PITRM1: variants seen among roughly 807,000 people sequenced by gnomAD.
PITRM1 encodes the protein presequence protease, mitochondrial.
PITRM1 carries 100 observed loss-of-function variants against 129.9 expected under a neutral mutation model. The ratio of observed to expected loss-of-function variants is 0.77; its 90% confidence interval spans 0.65 to 0.91. The LOEUF (loss-of-function observed/expected upper bound fraction) is 0.91, where lower values mean the gene tolerates loss of function less well. Ranked by LOEUF, PITRM1 falls within the 40% of genes least tolerant of loss-of-function variation. PITRM1 has a pLI of 0.00. For missense variants in PITRM1, 1,471 were observed against 1,318.3 expected (o/e 1.12, Z -1.79); for synonymous variants, 591 against 508.8 (o/e 1.16, Z -2.17).
At chr10:3,156,502 A>C (rs2132449481) in intron 13 of PITRM1, among the ~76,000 whole-genome samples, 1 of 152,384 alleles carries the variant, frequency 6.6e-6, no homozygotes, top group East Asian at 1.9e-4. Flanking sequence ...GTTCTACCAT[A>C]GTAATGAGTA....
chr10:3,157,066 T>C lies in PITRM1; in HGVS notation c.1348-2A>G. 3.7e-6 allele frequency: 6 copies of C among 1,602,560 alleles called. No homozygotes were observed. Among genetic ancestry groups the C allele is most frequent in the African/African-American group, 1.3e-5 (1 of 74,486 alleles). ...ATGGTTCCAGCAAGAAGCTATGTAC[T>C]GGAAGGAAGATTTCCACATCCACAA... is the stretch of plus-strand genomic sequence containing the variant. On this transcript the variant is annotated splice_acceptor_variant, in intron 12 of 26. Coordinates refer to ENST00000224949, the MANE Select transcript of PITRM1 (RefSeq NM_014889.4). LOFTEE classifies it high-confidence loss of function.
At chr10:3,140,897 G>A (rs190659470) in intron 23 of PITRM1, 85 bp from the exon 24 acceptor site, 6 of 1,199,330 alleles carry the variant, frequency 5.0e-6, no homozygotes, top group Admixed American at 4.5e-5. Context: ...AAGTGAAAAT[G>A]AAAATCGAGT....
intron 14 of PITRM1, among the ~76,000 whole-genome samples, chr10:3,152,142 C>T (rs748156415): frequency 6.6e-6 from 1 of 152,204 alleles, no homozygotes; most frequent in African/African-American, 2.4e-5. Context: ...CTTAGAAAGA[C>T]ACTTCCTGGG....
chr10:3,159,841 T>C lies in PITRM1; in HGVS notation c.1007+7A>G, dbSNP rs377745167. The C allele has an allele frequency of 6.5e-7, 1 of 1,550,334 alleles. No individual in the cohort carries two copies. Among genetic ancestry groups the C allele is most frequent in the African/African-American group, 1.4e-5 (1 of 74,066 alleles). ...GTCTTGTATGAGCTTTGACAGCATA[T>C]ACTTACTCCGGTAAGAGGAAGCTAA... On this transcript the variant is annotated splice_region_variant and intron_variant, in intron 9 of 26. Transcript: ENST00000224949.
intron 2 of PITRM1, among the ~76,000 whole-genome samples, chr10:3,168,915 TACACACAC>T (rs61366911): frequency 0.039 from 5,632 of 142,696 alleles, 130 homozygotes; most frequent in Middle Eastern, 0.043. Context: ...AGTTTCCATC[TACACACAC>T]ACACACACAC....
Position 3,165,524 on chromosome 10 carries a change from C to G in PITRM1, c.422G>C (p.Ser141Thr). ...GGAAAATGGATACAGAGTATAATCA[C>G]TAGCTGGGTACAAATGAAAAGTGAA... is the stretch of plus-strand genomic sequence containing the variant. ...LSTFMNAFTASDYTLYPFSTQ... is the reference protein window; with the variant it reads ...LSTFMNAFTATDYTLYPFSTQ... Residue 141 changes from serine to threonine, a missense_variant, in exon 5 of 27, where the codon AGT (serine) becomes ACT (threonine). Coordinates refer to ENST00000224949, the MANE Select transcript of PITRM1 (RefSeq NM_014889.4). The G allele has an allele frequency of 6.5e-7, 1 of 1,528,414 alleles. No homozygotes were observed. The allele number at this position is 1,528,414 out of a possible 1,614,324, so 94.7% of individuals were successfully genotyped here.
chr10:3,165,566 G>A, intron 4 of PITRM1, 39 bp from the exon 5 acceptor site: 1 of 1,145,032 alleles, frequency 8.7e-7, no homozygotes, highest in Non-Finnish European at 1.3e-6. Flanking sequence ...AAATATAACA[G>A]ATTTCTACTA....
Position 3,165,436 on chromosome 10 carries a change from T to C in PITRM1, c.510A>G (p.Pro170=), listed in dbSNP as rs1564432752. Residue 170 remains proline (P), a synonymous_variant, in exon 5 of 27, where the codon CCA becomes CCG. Coordinates refer to ENST00000224949, the MANE Select transcript of PITRM1 (RefSeq NM_014889.4). ...ACCAGAAATCCAGCTCGCGTAAACA[T>C]GGGAAAAAGGTGGCATCCAAATACA... is the stretch of plus-strand genomic sequence containing the variant. ...LSVYLDATFF[P]CLRELDFWQE... The C allele has an allele frequency of 3.7e-6, 6 of 1,613,088 alleles. No individual in the cohort carries two copies. Among genetic ancestry groups the C allele is most frequent in the Non-Finnish European group, 5.1e-6 (6 of 1,179,524 alleles).
In PITRM1 at chr10:3,151,301, C is replaced by T. The variant is rs1019489504; in HGVS notation, c.1684G>A (p.Val562Ile). 3.1e-6 allele frequency: 5 copies of T among 1,611,010 alleles called. No individual in the cohort carries two copies. The African/African-American group carries it at 4.0e-5, about 13-fold the overall frequency. Residue 562 changes from valine to isoleucine, a missense_variant, in exon 15 of 27, where the codon GTT becomes ATT. Transcript: ENST00000224949. The stretch of plus-strand genomic sequence containing the variant: ...GGTATGGTGGGTTCAATATCGGAAA[C>T]TTTCAACGCTGGCAGACAAGAGGCA... ...QDASCLPALK[V>I]SDIEPTIPVT...
chr10:3,143,429 A>C lies in PITRM1; in HGVS notation c.2605T>G (p.Cys869Gly). 6.2e-7 allele frequency: 1 copy of C among 1,613,742 alleles called. No homozygotes were observed. Among genetic ancestry groups the C allele is most frequent in the Non-Finnish European group, 8.5e-7 (1 of 1,179,666 alleles). Residue 869 changes from cysteine to glycine, a missense_variant, in exon 23 of 27, where the codon TGC (cysteine) becomes GGC (glycine). Cys to Gly is a radical substitution (Grantham distance 159). Coordinates refer to ENST00000224949, the MANE Select transcript of PITRM1 (RefSeq NM_014889.4). ...TCCGTGTAGGGGACAGTTCGGATGC[A>C]TTCACCCACGTAATTCACCGGGAAG... is the stretch of plus-strand genomic sequence containing the variant. ...MPFPVNYVGE[C>G]IRTVPYTDPD...
At chr10:3,155,500 T>G (rs1333828419) in intron 14 of PITRM1, 91 bp downstream of exon 14, 2 of 1,516,022 alleles carry the variant, frequency 1.3e-6, no homozygotes, top group Non-Finnish European at 1.8e-6. Flanking sequence ...TTGGTTGAAA[T>G]AATACCTGCC....
At chr10:3,144,047 C>A in intron 22 of PITRM1, 1 of 577,804 alleles carries the variant, frequency 1.7e-6, no homozygotes, top group Non-Finnish European at 3.1e-6. Context: ...ACAGGGAAGA[C>A]GCACCCCATA....
chr10:3,171,173 A>AAAAAAAAAAAAAAAAT (rs1843318667), intron 1 of PITRM1, among the ~76,000 whole-genome samples: 1 of 144,792 alleles, frequency 6.9e-6, no homozygotes, highest in African/African-American at 2.6e-5. Flanking sequence ...AAAAAAAAAA[A>AAAAAAAAAAAAAAAAT]AAAAAAAAAA....
intron 7 of PITRM1, among the ~76,000 whole-genome samples, chr10:3,162,230 C>CT (rs1322592662): frequency 6.6e-6 from 1 of 152,060 alleles, no homozygotes; most frequent in South Asian, 2.1e-4. Context: ...ACCACCCCTC[C>CT]TCCTCAAACT....
At chr10:3,148,798 A>AAT (rs1441941188) in intron 16 of PITRM1, 4 of 153,508 alleles carry the variant, frequency 2.6e-5, no homozygotes, top group African/African-American at 9.6e-5. Flanking sequence ...TGACACTGCT[A>AAT]ATGCCAGCAA....
In PITRM1 at chr10:3,137,831, C is replaced by T. The variant is rs79589507; in HGVS notation, c.*200G>A. On this transcript the variant is annotated 3_prime_UTR_variant, in exon 27 of 27. Transcript: ENST00000224949. ...AAAATTCTACATGGTGCATCTTTGG[C>T]GCTTCATGCATGATTATTTCAATGA... 7.6e-3 allele frequency: 4,333 copies of T among 566,830 alleles called. 39 individuals are homozygous for T. The highest frequency in any genetic ancestry group is 0.026 in the Middle Eastern group (62 of 2,392). The allele number at this position is 566,830 out of a possible 1,614,324, so 35.1% of individuals were successfully genotyped here. A position where few individuals can be genotyped will look rare whatever the true frequency, so the allele number is the denominator to read the frequency against.
At chr10:3,168,049 T>A (rs556060304) in intron 2 of PITRM1, 1 of 152,112 alleles carries the variant, frequency 6.6e-6, no homozygotes, top group South Asian at 2.1e-4. Flanking sequence ...CAGCCGGCCC[T>A]CTCCCTCAAT....
intron 25 of PITRM1, chr10:3,138,540 T>C (rs1448643834): frequency 3.3e-6 from 2 of 610,750 alleles, no homozygotes; most frequent in Non-Finnish European, 5.8e-6. Flanking sequence ...CCACGCCTGC[T>C]TCTGCAGCAG....
chr10:3,144,442 T>TA (rs1840630476), intron 21 of PITRM1, 76 bp from the exon 22 acceptor site: 2 of 843,600 alleles, frequency 2.4e-6, no homozygotes, highest in East Asian at 5.3e-5. Context: ...ACAGAGTTTA[T>TA]AAAATTCACA....
Sources: gnomAD v4.1 joint callset for allele counts (sites outside exome capture counted in the v4.1 genomes callset) on GRCh38, gnomAD v4.1.1 for gene constraint, MANE v1.5 for transcripts, NCBI Gene and HGNC (gene_info 2026-07-23, HGNC 2026-07-21) for gene names.